Variants in SAMD5 observed in about 807,000 individuals in gnomAD.
The protein encoded by SAMD5 is sterile alpha motif domain containing 5.
Under a neutral mutation model 11.3 loss-of-function variants are expected in SAMD5, and 13 were observed. That is an observed-to-expected ratio of 1.15 (90% confidence interval 0.75 to 1.83). The LOEUF is 1.83. Ranked by LOEUF, SAMD5 falls within the 40% of genes most tolerant of loss-of-function variation. The pLI is 0.00. For missense variants in SAMD5, 255 were observed against 239.1 expected, an observed-to-expected ratio of 1.07 and a Z score of -0.44; for synonymous variants, 129 against 111.3, an observed-to-expected ratio of 1.16 and a Z score of -1.00.
At chr6:147,827,951 G>A in the SAMD5 span, among the ~76,000 whole-genome samples, 203 of 149,198 alleles carry the variant, frequency 1.4e-3, no homozygotes, top group Admixed American at 2.5e-3. Context: ...CACCACTCCC[G>A]GCTAATTTTT....
chr6:147,799,136 G>A, the SAMD5 span, among the ~76,000 whole-genome samples: 16 of 151,336 alleles, frequency 1.1e-4, no homozygotes, highest in Non-Finnish European at 1.5e-4. Flanking sequence ...GATTTTGCTC[G>A]TTAGTTGATG....
At chr6:147,951,429 C>T in the SAMD5 span, among the ~76,000 whole-genome samples, 1 of 152,074 alleles carries the variant, frequency 6.6e-6, no homozygotes, top group Non-Finnish European at 1.5e-5. Context: ...ATCCACCCGC[C>T]TTGGCCTCCC....
chr6:147,841,762 T>C, the SAMD5 span, among the ~76,000 whole-genome samples: 1 of 150,320 alleles, frequency 6.7e-6, no homozygotes, highest in South Asian at 2.1e-4. Flanking sequence ...CTGTTCAGGG[T>C]GAGAGCTGGG....
At chr6:147,583,516 T>A (rs1036955065) in intron 1 of SAMD5, among the ~76,000 whole-genome samples, 3 of 152,196 alleles carry the variant, frequency 2.0e-5, no homozygotes, top group Non-Finnish European at 4.4e-5. Flanking sequence ...TACAACATTA[T>A]TATTTATGAG....
chr6:147,854,111 C>G, the SAMD5 span, among the ~76,000 whole-genome samples: 1 of 152,112 alleles, frequency 6.6e-6, no homozygotes, highest in Non-Finnish European at 1.5e-5. Flanking sequence ...AGGCCTGAGT[C>G]TGGAAGGAGG....
intron 1 of SAMD5, among the ~76,000 whole-genome samples, chr6:147,577,758 A>T (rs1446604894): frequency 2.0e-5 from 3 of 152,108 alleles, no homozygotes; most frequent in Non-Finnish European, 2.9e-5. Flanking sequence ...GGCATCATTG[A>T]TATAAACCAA....
Position 147,567,069 on chromosome 6 carries a change from C to A in SAMD5, c.*2613C>A. 1.0e-6 allele frequency: 1 copy of A among 967,592 alleles called. No homozygotes were observed. The highest frequency in any genetic ancestry group is 1.2e-6 in the Non-Finnish European group (1 of 813,738). The allele number at this position is 967,592 out of a possible 1,614,324, so 59.9% of individuals were successfully genotyped here. On this transcript the variant is annotated 3_prime_UTR_variant, in exon 2 of 2. Transcript: ENST00000367474. ...AAAAGAGATTAATTACAGACTTTCA[C>A]TTGATAATATTGAGGAGTCTGGAGG...
Position 147,672,647 on chromosome 6 carries a change from G to GC in SAMD5, c.163-64664dup, listed in dbSNP as rs1473197778. Among the ~76,000 whole-genome samples, 4 of 151,486 alleles carry GC rather than the reference G, an allele frequency of 2.6e-5. No homozygotes were observed. The East Asian group carries it at 7.7e-4, about 29-fold the overall frequency. ...GAAGAAAATCAGTCTCCTTATAATAGCCCCCCACCCTTATCCCCCACATCC... is the reference window on the plus strand; with the variant it reads ...GAAGAAAATCAGTCTCCTTATAATAGCCCCCCCACCCTTATCCCCCACATCC... On this transcript the variant is annotated intron_variant, in intron 1 of 1. Transcript: ENST00000566741.
chr6:147,557,588 C>T (rs1788877700), intron 1 of SAMD5, among the ~76,000 whole-genome samples: 1 of 152,196 alleles, frequency 6.6e-6, no homozygotes, highest in Non-Finnish European at 1.5e-5. Flanking sequence ...CCTCTCCTCT[C>T]CTTTCCTTGT....
downstream of SAMD5, among the ~76,000 whole-genome samples, chr6:147,742,493 T>G (rs1298225612): frequency 6.6e-6 from 1 of 152,216 alleles, no homozygotes; most frequent in Non-Finnish European, 1.5e-5. Context: ...TATATAAAAT[T>G]ATTATCAGAT....
chr6:147,742,704 G>C, the SAMD5 span, among the ~76,000 whole-genome samples: 1 of 152,184 alleles, frequency 6.6e-6, no homozygotes, highest in Non-Finnish European at 1.5e-5. Flanking sequence ...ACATTGGAAT[G>C]TAACAGAGGC....
the SAMD5 span, among the ~76,000 whole-genome samples, chr6:147,886,247 G>A: frequency 2.0e-5 from 3 of 152,004 alleles, no homozygotes; most frequent in African/African-American, 7.3e-5. Flanking sequence ...AATTGCATTC[G>A]ATGTAATTGA....
At chr6:147,622,544 G>T (rs12203218) in intron 1 of SAMD5, among the ~76,000 whole-genome samples, 2 of 152,112 alleles carry the variant, frequency 1.3e-5, no homozygotes, top group Non-Finnish European at 2.9e-5. Flanking sequence ...ATATCTTCTA[G>T]AAGCCAAGTG....
intron 1 of SAMD5, among the ~76,000 whole-genome samples, chr6:147,731,490 A>G (rs1023472585): frequency 2.6e-5 from 4 of 152,126 alleles, no homozygotes; most frequent in Admixed American, 2.6e-4. Flanking sequence ...ATGGAAAACA[A>G]TGCACAGCCA....
At chr6:147,633,394 G>A (rs748114061) in intron 1 of SAMD5, among the ~76,000 whole-genome samples, 5 of 151,978 alleles carry the variant, frequency 3.3e-5, no homozygotes, top group South Asian at 2.1e-4. Context: ...TCCTTCTGTC[G>A]CCAGCGGGGG....
rs1436216715 is a variant in SAMD5, at chr6:147,569,731, T to G, written c.*5275T>G. Reference sequence around the variant, plus strand: ...CTAAAGCCATTATTCATAGAAAATTTCTGCCCCTACAGAAGTGTGTGCATG... The same window carrying G: ...CTAAAGCCATTATTCATAGAAAATTGCTGCCCCTACAGAAGTGTGTGCATG... On this transcript the variant is annotated 3_prime_UTR_variant, in exon 2 of 2. Coordinates refer to ENST00000367474, the MANE Select transcript of SAMD5 (RefSeq NM_001030060.3). The G allele has an allele frequency of 1.0e-6, 1 of 985,324 alleles. No individual in the cohort carries two copies. Among genetic ancestry groups the G allele is most frequent in the Non-Finnish European group, 1.2e-6 (1 of 829,896 alleles). The allele number at this position is 985,324 out of a possible 1,614,324, so 61.0% of individuals were successfully genotyped here.
chr6:147,599,378 G>A (rs566177479), intron 1 of SAMD5, among the ~76,000 whole-genome samples: 21 of 152,334 alleles, frequency 1.4e-4, no homozygotes, highest in African/African-American at 5.1e-4. Flanking sequence ...AATTTGCAGT[G>A]AGATAAGGTT....
At chr6:147,726,515 C>T (rs1043918752) in intron 1 of SAMD5, among the ~76,000 whole-genome samples, 2 of 151,988 alleles carry the variant, frequency 1.3e-5, no homozygotes, top group Non-Finnish European at 2.9e-5. Flanking sequence ...CCAGGCCTGC[C>T]TGGGGCCCAG....
the SAMD5 span, among the ~76,000 whole-genome samples, chr6:147,761,061 T>C: frequency 8.6e-3 from 1,304 of 152,300 alleles, 8 homozygotes; most frequent in Non-Finnish European, 0.015. Context: ...CATTTAAAAC[T>C]TCTTTAGCAT....
Sources: gnomAD v4.1 joint callset for allele counts (sites outside exome capture counted in the v4.1 genomes callset) on GRCh38, gnomAD v4.1.1 for gene constraint, MANE v1.5 for transcripts, NCBI Gene and HGNC (gene_info 2026-07-23, HGNC 2026-07-21) for gene names.